Variants in CTNNA2 observed in about 807,000 individuals in gnomAD.
CTNNA2 encodes the protein catenin alpha-2.
In CTNNA2, 42 loss-of-function variants were observed where a neutral mutation model predicts 101.0. That is an observed-to-expected ratio of 0.42 (90% CI 0.32 to 0.54). CTNNA2 has a LOEUF of 0.54. Ranked by LOEUF, CTNNA2 falls within the 20% of genes least tolerant of loss-of-function variation. The pLI is 0.14. For synonymous variants in CTNNA2, 450 were observed against 456.4 expected, an observed-to-expected ratio of 0.99 and a Z score of 0.18; for missense variants, 871 against 1,223.1, an observed-to-expected ratio of 0.71 and a Z score of 4.29.
intron 2 of CTNNA2, among the ~76,000 whole-genome samples, chr2:79,200,623 G>T (rs1463244574): frequency 6.6e-6 from 1 of 152,042 alleles, no homozygotes; most frequent in Non-Finnish European, 1.5e-5. Context: ...AACAGCAGAA[G>T]TAAATGAAGG....
At chr2:79,521,145 TATATATATATATATA>T (rs1672093575) in intron 1 of CTNNA2, among the ~76,000 whole-genome samples, 2 of 34,858 alleles carry the variant, frequency 5.7e-5, no homozygotes, top group African/African-American at 2.6e-4. Flanking sequence ...TATATATATA[TATATATATATATATA>T]TATATATAAA....
intron 9 of CTNNA2, among the ~76,000 whole-genome samples, chr2:80,436,248 G>A (rs915125621): frequency 3.9e-5 from 6 of 152,168 alleles, no homozygotes; most frequent in Admixed American, 6.5e-5. Context: ...GAGCATGCTG[G>A]TTACAGAAAG....
chr2:79,798,323 A>G (rs1415980385), intron 3 of CTNNA2, among the ~76,000 whole-genome samples: 1 of 152,192 alleles, frequency 6.6e-6, no homozygotes, highest in African/African-American at 2.4e-5. Flanking sequence ...ACTAAGGTCC[A>G]TGTTAAGAAC....
chr2:79,368,745 G>T (rs1320985866), intron 3 of CTNNA2, among the ~76,000 whole-genome samples: 1 of 152,020 alleles, frequency 6.6e-6, no homozygotes, highest in Non-Finnish European at 1.5e-5. Flanking sequence ...CATCCTACTG[G>T]GTCACTCAAG....
Position 80,149,796 on chromosome 2 carries a change from A to T in CTNNA2, c.1056+239999A>T, listed in dbSNP as rs866721305. Among the ~76,000 whole-genome samples, 569 of 152,002 alleles carry T rather than the reference A, an allele frequency of 3.7e-3. 4 individuals carry two copies. Among genetic ancestry groups the T allele is most frequent in the African/African-American group, 0.013 (546 of 41,454 alleles). On this transcript the variant is annotated intron_variant, in intron 7 of 18. Transcript: ENST00000402739. ...GGATCACACACACACACACACACAC[A>T]CACACACACACACACACACAGTGTA...
chr2:80,387,182 G>A (rs1050964253), intron 7 of CTNNA2, among the ~76,000 whole-genome samples: 3 of 152,130 alleles, frequency 2.0e-5, no homozygotes, highest in South Asian at 2.1e-4. Context: ...CCAGCTACTC[G>A]GGAGGCTGAG....
intron 1 of CTNNA2, among the ~76,000 whole-genome samples, chr2:79,573,574 G>A (rs1006485570): frequency 2.6e-5 from 4 of 152,228 alleles, no homozygotes; most frequent in African/African-American, 7.2e-5. Flanking sequence ...AAATTCTACT[G>A]ATGAGGGACT....
intron 7 of CTNNA2, among the ~76,000 whole-genome samples, chr2:80,149,817 G>C: frequency 7.3e-6 from 1 of 137,128 alleles, no homozygotes; most frequent in Non-Finnish European, 1.6e-5. Flanking sequence ...CACACACACA[G>C]TGTATTCACT....
intron 3 of CTNNA2, among the ~76,000 whole-genome samples, chr2:79,773,824 G>T (rs1673766709): frequency 6.6e-6 from 1 of 151,936 alleles, no homozygotes; most frequent in Admixed American, 6.6e-5. Context: ...ATTATCTTTT[G>T]TTTTTTTCTG....
chr2:79,618,145 GC>G (rs1678756575), intron 1 of CTNNA2, among the ~76,000 whole-genome samples: 2 of 152,168 alleles, frequency 1.3e-5, no homozygotes, highest in Non-Finnish European at 2.9e-5. Context: ...GGCACCCAGT[GC>G]CCAGTGGAGC....
At chr2:80,269,438 C>T (rs1422592634) in intron 7 of CTNNA2, among the ~76,000 whole-genome samples, 1 of 152,164 alleles carries the variant, frequency 6.6e-6, no homozygotes, top group Non-Finnish European at 1.5e-5. Context: ...GTCAATTAAA[C>T]CTCTTTTCTT....
At chr2:80,313,008 C>A (rs1159379891) in intron 7 of CTNNA2, among the ~76,000 whole-genome samples, 1 of 152,158 alleles carries the variant, frequency 6.6e-6, no homozygotes, top group East Asian at 1.9e-4. Context: ...TGAATGCTTG[C>A]CTAATCAATA....
At chr2:80,006,591 G>A (rs1693368382) in intron 7 of CTNNA2, among the ~76,000 whole-genome samples, 2 of 152,002 alleles carry the variant, frequency 1.3e-5, no homozygotes, top group Non-Finnish European at 2.9e-5. Flanking sequence ...TGGCACTATT[G>A]GATTCAACTC....
intron 4 of CTNNA2, among the ~76,000 whole-genome samples, chr2:79,455,147 G>A (rs573220486): frequency 6.6e-6 from 1 of 152,302 alleles, no homozygotes; most frequent in South Asian, 2.1e-4. Context: ...TGCTCATCAT[G>A]CATTACAAGG....
chr2:79,788,830 G>C (rs1675048305), intron 3 of CTNNA2, among the ~76,000 whole-genome samples: 1 of 152,032 alleles, frequency 6.6e-6, no homozygotes, highest in African/African-American at 2.4e-5. Flanking sequence ...TTATAATTTT[G>C]CTTTGCATAC....
chr2:79,289,563 T>A (rs1344252112), intron 2 of CTNNA2, among the ~76,000 whole-genome samples: 1 of 151,726 alleles, frequency 6.6e-6, no homozygotes, highest in Non-Finnish European at 1.5e-5. Flanking sequence ...CTGACCAACA[T>A]GCGAAATCCT....
At chr2:80,615,060 A>G (rs1698742648) in intron 17 of CTNNA2, among the ~76,000 whole-genome samples, 1 of 151,458 alleles carries the variant, frequency 6.6e-6, no homozygotes, top group South Asian at 2.1e-4. Flanking sequence ...TGATATGTGA[A>G]CAAGGTGATA....
chr2:79,971,141 G>C (rs563184108), intron 7 of CTNNA2, among the ~76,000 whole-genome samples: 9 of 152,204 alleles, frequency 5.9e-5, no homozygotes, highest in Admixed American at 2.0e-4. Context: ...TCTACCTAAG[G>C]CTGTCTGATA....
At chr2:79,237,731 T>C (rs1407875348) in intron 2 of CTNNA2, among the ~76,000 whole-genome samples, 1 of 152,228 alleles carries the variant, frequency 6.6e-6, no homozygotes, top group East Asian at 1.9e-4. Context: ...GTTATGAAGA[T>C]GGCTTTACTC....
Sources: allele counts gnomAD v4.1 joint callset (sites outside exome capture counted in the v4.1 genomes callset), GRCh38; gene constraint gnomAD v4.1.1; transcripts MANE v1.5; gene names NCBI Gene and HGNC (gene_info 2026-07-23, HGNC 2026-07-21).